NOL4: variants seen among roughly 807,000 people sequenced by gnomAD.
NOL4 encodes nucleolar protein 4.
A neutral mutation model predicts 75.9 loss-of-function variants in NOL4; 17 were observed. The ratio of observed to expected loss-of-function variants is 0.22; its 90% CI spans 0.15 to 0.34. The LOEUF (loss-of-function observed/expected upper bound fraction) is 0.34, where lower values mean the gene tolerates loss of function less well. NOL4 is among the 10% of genes least tolerant of loss of function. The probability of loss-of-function intolerance (pLI) is 1.00; values close to 1 mark genes in which losing one functional copy is unlikely to be tolerated. For missense variants in NOL4, 614 were observed against 793.5 expected (o/e 0.77, Z 2.72); for synonymous variants, 292 against 289.9 (o/e 1.01, Z -0.07).
intron 7 of NOL4, among the ~76,000 whole-genome samples, 180 bp from the exon 8 acceptor site, chr18:33,957,697 A>C (rs1039799437): frequency 1.3e-5 from 2 of 152,184 alleles, no homozygotes; most frequent in African/African-American, 4.8e-5. Context: ...AAATGGTTGG[A>C]TTAAAAAATA....
At chr18:33,882,896 G>A (rs1476225844) in intron 10 of NOL4, among the ~76,000 whole-genome samples, 2 of 151,812 alleles carry the variant, frequency 1.3e-5, no homozygotes, top group Non-Finnish European at 2.9e-5. Flanking sequence ...ATGAGTTCAT[G>A]TCCTTTGTAG....
intron 5 of NOL4, among the ~76,000 whole-genome samples, chr18:34,078,854 T>A (rs1021582942): frequency 6.6e-6 from 1 of 152,238 alleles, no homozygotes; most frequent in African/African-American, 2.4e-5. Context: ...AAATTTAAGG[T>A]AGCTGTGAAG....
At chr18:34,175,082 T>G (rs2033418030) in intron 1 of NOL4, among the ~76,000 whole-genome samples, 1 of 152,206 alleles carries the variant, frequency 6.6e-6, no homozygotes, top group Admixed American at 6.5e-5. Flanking sequence ...AAAGAACACA[T>G]GCACTTTACA....
At chr18:33,971,544 T>C (rs953508379) in intron 6 of NOL4, among the ~76,000 whole-genome samples, 8 of 152,216 alleles carry the variant, frequency 5.3e-5, no homozygotes, top group African/African-American at 1.9e-4. Context: ...ATTTTCAGTT[T>C]ACTCTTGTGA....
chr18:34,210,024 T>C (rs1181898460), intron 1 of NOL4, among the ~76,000 whole-genome samples: 3 of 152,194 alleles, frequency 2.0e-5, no homozygotes, highest in Non-Finnish European at 4.4e-5. Context: ...ACTTCCTATG[T>C]TAATTTAAAA....
intron 10 of NOL4, among the ~76,000 whole-genome samples, chr18:33,866,702 C>A (rs755245167): frequency 6.6e-6 from 1 of 152,024 alleles, no homozygotes; most frequent in Non-Finnish European, 1.5e-5. Flanking sequence ...ATTTGTAAAG[C>A]GAAAGACTCC....
chr18:33,876,577 C>G (rs563808037), intron 10 of NOL4, among the ~76,000 whole-genome samples: 2 of 152,146 alleles, frequency 1.3e-5, no homozygotes, highest in South Asian at 4.1e-4. Context: ...AAGATTTATG[C>G]ATATGTATGT....
intron 1 of NOL4, among the ~76,000 whole-genome samples, chr18:34,146,678 CT>C (rs1481814611): frequency 6.6e-6 from 1 of 151,438 alleles, no homozygotes; most frequent in Non-Finnish European, 1.5e-5. Context: ...CAGCTTTGTT[CT>C]TTTTGTTTAT....
chr18:33,897,284 G>C (rs1191493913), intron 9 of NOL4, among the ~76,000 whole-genome samples: 2 of 152,000 alleles, frequency 1.3e-5, no homozygotes, highest in African/African-American at 4.8e-5. Context: ...AAGAGGAATA[G>C]CAATCATCTA....
At chr18:33,919,435 A>G (rs2066906260) in intron 9 of NOL4, among the ~76,000 whole-genome samples, 1 of 152,168 alleles carries the variant, frequency 6.6e-6, no homozygotes. Flanking sequence ...TTGGGCTTGC[A>G]TTGATGCTAA....
chr18:33,961,549 A>C (rs868073769), intron 6 of NOL4, among the ~76,000 whole-genome samples: 1 of 152,130 alleles, frequency 6.6e-6, no homozygotes, highest in Admixed American at 6.6e-5. Context: ...CTCAGTCTCC[A>C]TAATCTCATG....
intron 2 of NOL4, among the ~76,000 whole-genome samples, chr18:34,107,175 G>A (rs1003797556): frequency 2.0e-5 from 3 of 152,044 alleles, no homozygotes; most frequent in Non-Finnish European, 4.4e-5. Flanking sequence ...TCATTGACCT[G>A]AATCAATCCT....
At chr18:34,065,470 G>C (rs1476702497) in intron 5 of NOL4, among the ~76,000 whole-genome samples, 1 of 151,966 alleles carries the variant, frequency 6.6e-6, no homozygotes, top group East Asian at 1.9e-4. Flanking sequence ...AAGAGAGAAA[G>C]ATGAAGTATT....
In NOL4 at chr18:34,102,001, T is replaced by C. The variant is rs1348402630; in HGVS notation, c.639+2046A>G. Among the ~76,000 whole-genome samples the C allele has an allele frequency of 2.6e-5, 4 of 152,046 alleles. No individual in the cohort carries two copies. In the East Asian group the frequency reaches 7.7e-4, roughly 29 times the overall value. On this transcript the variant is annotated intron_variant, in intron 4 of 10. Coordinates refer to ENST00000261592, the MANE Select transcript of NOL4 (RefSeq NM_003787.5). Reference sequence around the variant, plus strand: ...TCCAACCATGTTGACTGTCTTGCTGTTCCTGCAGCTACTAGATATATACCT... The same window carrying C: ...TCCAACCATGTTGACTGTCTTGCTGCTCCTGCAGCTACTAGATATATACCT...
chr18:33,905,771 T>C (rs1599820656), intron 9 of NOL4, among the ~76,000 whole-genome samples: 2 of 152,274 alleles, frequency 1.3e-5, no homozygotes, highest in East Asian at 3.9e-4. Context: ...CTTCTTCTCA[T>C]TAGACACTAC....
rs1203063608 is a variant in NOL4, at chr18:34,009,748, C to T, written c.1056+9570G>A. The stretch of plus-strand genomic sequence containing the variant: ...AGTTTGCAGCTACTCATTCTCAAGG[C>T]CTACACCATGATCGTTTAACATTAT... On this transcript the variant is annotated intron_variant, in intron 6 of 10. Coordinates refer to ENST00000261592, the MANE Select transcript of NOL4 (RefSeq NM_003787.5). Among the ~76,000 whole-genome samples the T allele has an allele frequency of 5.9e-5, 9 of 151,816 alleles. No individual in the cohort carries two copies. The East Asian group carries it at 1.6e-3, about 26-fold the overall frequency.
intron 5 of NOL4, among the ~76,000 whole-genome samples, chr18:34,087,153 G>A (rs1342949305): frequency 6.6e-6 from 1 of 152,054 alleles, no homozygotes; most frequent in Non-Finnish European, 1.5e-5. Flanking sequence ...CCACACAATT[G>A]TCTTAGTCAT....
At chr18:34,129,581 AATATAAT>A (rs945709579) in intron 2 of NOL4, among the ~76,000 whole-genome samples, 6 of 151,412 alleles carry the variant, frequency 4.0e-5, no homozygotes, top group African/African-American at 1.5e-4. Flanking sequence ...TAATATTCAT[AATATAAT>A]ATATAATATA....
intron 1 of NOL4, among the ~76,000 whole-genome samples, chr18:34,216,125 C>T (rs78988697): frequency 0.043 from 6,601 of 152,210 alleles, 460 homozygotes; most frequent in African/African-American, 0.15. Flanking sequence ...GTCACCAGAA[C>T]ACAGGCCTAA....
Sources: allele counts gnomAD v4.1 joint callset (sites outside exome capture counted in the v4.1 genomes callset), GRCh38; gene constraint gnomAD v4.1.1; transcripts MANE v1.5; gene names NCBI Gene and HGNC (gene_info 2026-07-23, HGNC 2026-07-21).